The following PRDM5 variants were observed in gnomAD, a reference collection of about 807,000 sequenced individuals.
The protein encoded by PRDM5 is PR/SET domain 5.
In PRDM5, 56 loss-of-function variants were observed where a neutral mutation model predicts 81.2. That is an observed-to-expected ratio of 0.69 (90% confidence interval 0.56 to 0.86). The LOEUF (loss-of-function observed/expected upper bound fraction) is 0.86, where lower values mean the gene tolerates loss of function less well. PRDM5 is among the 40% of genes least tolerant of loss of function. PRDM5 has a pLI of 0.00. For synonymous variants in PRDM5, 267 were observed against 256.4 expected (o/e 1.04, Z -0.39); for missense variants, 697 against 770.1 (o/e 0.91, Z 1.12).
intron 8 of PRDM5, among the ~76,000 whole-genome samples, chr4:120,809,471 TTTAA>T (rs1753529445): frequency 2.0e-5 from 3 of 152,304 alleles, no homozygotes; most frequent in Admixed American, 2.0e-4. Context: ...AGTAATACTA[TTTAA>T]TTATGCCAAA....
chr4:120,912,867 T>C (rs1174647798), intron 1 of PRDM5, among the ~76,000 whole-genome samples: 2 of 152,232 alleles, frequency 1.3e-5, no homozygotes, highest in African/African-American at 2.4e-5. Flanking sequence ...ATGATGTTTT[T>C]CACAGAAGGA....
At chr4:120,755,358 A>G (rs1744580870) in intron 13 of PRDM5, among the ~76,000 whole-genome samples, 1 of 152,226 alleles carries the variant, frequency 6.6e-6, no homozygotes, top group Admixed American at 6.5e-5. Flanking sequence ...TGTCAAAGCC[A>G]AATCATTTAG....
chr4:120,765,864 T>A (rs948810427), intron 13 of PRDM5, among the ~76,000 whole-genome samples: 2 of 152,266 alleles, frequency 1.3e-5, no homozygotes, highest in South Asian at 4.1e-4. Context: ...TAGCTCACAG[T>A]ATCACATGCT....
At chr4:120,849,959 T>C (rs751281109) in intron 3 of PRDM5, among the ~76,000 whole-genome samples, 11 of 152,132 alleles carry the variant, frequency 7.2e-5, no homozygotes, top group Non-Finnish European at 1.2e-4. Context: ...AGTGTGCATG[T>C]GGGAAGAACT....
At chr4:120,819,440 G>A (rs1410833263) in intron 4 of PRDM5, among the ~76,000 whole-genome samples, 1 of 83,878 alleles carries the variant, frequency 1.2e-5, no homozygotes. Context: ...AAATAGCCAT[G>A]GCACATGGCA....
At chr4:120,837,579 T>C (rs1757502412) in intron 3 of PRDM5, 1 of 152,236 alleles carries the variant, frequency 6.6e-6, no homozygotes, top group Admixed American at 6.5e-5. Context: ...CAGGTTATAC[T>C]TACAAAAGTT....
chr4:120,718,569 G>A (rs1738137261), intron 14 of PRDM5, among the ~76,000 whole-genome samples: 2 of 152,114 alleles, frequency 1.3e-5, no homozygotes, highest in Admixed American at 6.5e-5. Context: ...AGACCTTTCT[G>A]CAAAAGTGGA....
At chr4:120,776,693 A>G (rs1251191298) in intron 13 of PRDM5, among the ~76,000 whole-genome samples, 2 of 152,170 alleles carry the variant, frequency 1.3e-5, no homozygotes, top group Non-Finnish European at 2.9e-5. Context: ...ATTACACAGG[A>G]AGTGCTAAGA....
chr4:120,707,321 G>GA lies in PRDM5; in HGVS notation c.1728+2987dup, dbSNP rs71597092. ...ATACATCATACGAACAGAACAAAGGGAAAAAAAAAACATAGTCATCTCAAT... is the reference window on the plus strand; with the variant it reads ...ATACATCATACGAACAGAACAAAGGGAAAAAAAAAAACATAGTCATCTCAAT... On this transcript the variant is annotated intron_variant, in intron 15 of 15. Transcript: ENST00000264808. Among the ~76,000 whole-genome samples the GA allele has an allele frequency of 3.6e-3, 535 of 146,688 alleles. 1 individual carries two copies. Among genetic ancestry groups the GA allele is most frequent in the African/African-American group, 0.012 (489 of 40,004 alleles).
chr4:120,873,437 C>A (rs1762041340), intron 2 of PRDM5, among the ~76,000 whole-genome samples: 1 of 152,200 alleles, frequency 6.6e-6, no homozygotes, highest in Non-Finnish European at 1.5e-5. Context: ...AGAGCCAAGA[C>A]AGAGCCTGCT....
Position 120,798,494 on chromosome 4 carries a change from T to A in PRDM5, c.1031-70A>T, listed in dbSNP as rs78095901. The A allele has an allele frequency of 1.5e-4, 207 of 1,341,730 alleles. 2 individuals are homozygous for A. In the East Asian group the frequency reaches 4.7e-3, roughly 31 times the overall value. The allele number at this position is 1,341,730 out of a possible 1,614,324, so 83.1% of individuals were successfully genotyped here. A position where few individuals can be genotyped will look rare whatever the true frequency, so the allele number is the denominator to read the frequency against. On this transcript the variant is annotated intron_variant, in intron 9 of 15. Transcript: ENST00000264808. ...TAAAGGATAAAAGAGAAAACACCCT[T>A]ACCTTATATTACTTCTTACGGTAAG...
intron 13 of PRDM5, among the ~76,000 whole-genome samples, chr4:120,757,716 C>T (rs1744963931): frequency 6.6e-6 from 1 of 151,942 alleles, no homozygotes; most frequent in South Asian, 2.1e-4. Context: ...TCCTCCTCCT[C>T]CTTCTTCTTT....
intron 3 of PRDM5, among the ~76,000 whole-genome samples, chr4:120,843,956 G>A (rs1758346927): frequency 6.6e-6 from 1 of 152,074 alleles, no homozygotes; most frequent in Non-Finnish European, 1.5e-5. Context: ...CAAGCACAAT[G>A]TCATCCACAG....
At chr4:120,863,204 A>ACACACC (rs1760828708) in intron 2 of PRDM5, among the ~76,000 whole-genome samples, 1 of 142,134 alleles carries the variant, frequency 7.0e-6, no homozygotes, top group African/African-American at 2.7e-5. Context: ...ACACACACAC[A>ACACACC]CACACACACA....
intron 8 of PRDM5, among the ~76,000 whole-genome samples, chr4:120,808,290 A>T (rs773294460): frequency 3.9e-5 from 6 of 152,080 alleles, no homozygotes; most frequent in Non-Finnish European, 7.4e-5. Context: ...TCCCTGAGCT[A>T]GAGACAACAG....
At chr4:120,743,007 A>C (rs1227925525) in intron 14 of PRDM5, among the ~76,000 whole-genome samples, 1 of 151,632 alleles carries the variant, frequency 6.6e-6, no homozygotes. Context: ...ATGAAGGCAA[A>C]AATGTTAAGG....
chr4:120,825,987 T>C (rs1019631185), intron 3 of PRDM5, among the ~76,000 whole-genome samples: 1 of 152,226 alleles, frequency 6.6e-6, no homozygotes, highest in East Asian at 1.9e-4. Context: ...ACTACACCCA[T>C]CATGCTCTCC....
chr4:120,827,422 G>T (rs574831144), intron 3 of PRDM5, among the ~76,000 whole-genome samples: 1 of 152,194 alleles, frequency 6.6e-6, no homozygotes, highest in East Asian at 1.9e-4. Context: ...ATGTGGTGTG[G>T]CCATTACAGA....
intron 14 of PRDM5, among the ~76,000 whole-genome samples, chr4:120,742,488 A>G (rs1291648466): frequency 3.3e-5 from 5 of 152,304 alleles, no homozygotes; most frequent in Admixed American, 6.5e-5. Context: ...TCTGAGCTAC[A>G]GGAGGACATT....
Sources: gnomAD v4.1 joint callset for allele counts (sites outside exome capture counted in the v4.1 genomes callset) on GRCh38, gnomAD v4.1.1 for gene constraint, MANE v1.5 for transcripts, NCBI Gene and HGNC (gene_info 2026-07-23, HGNC 2026-07-21) for gene names.